Variants in ME3 observed in about 807,000 individuals in gnomAD.
ME3 encodes the protein malic enzyme 3, also known as NADP-dependent malic enzyme, mitochondrial.
In ME3, 48 loss-of-function variants were observed where a neutral mutation model predicts 68.9. The ratio of observed to expected loss-of-function variants is 0.70; its 90% CI spans 0.55 to 0.89. The LOEUF (loss-of-function observed/expected upper bound fraction) is 0.89, where lower values mean the gene tolerates loss of function less well. Among genes scored for constraint, ME3 ranks in the 40% least tolerant of loss-of-function variants. The pLI is 0.00. For missense variants in ME3, 675 were observed against 797.4 expected (o/e 0.85, Z 1.85); for synonymous variants, 320 against 318.8 (o/e 1.00, Z -0.04).
intron 4 of ME3, among the ~76,000 whole-genome samples, chr11:86,537,777 G>A (rs1565920511): frequency 1.3e-5 from 2 of 152,174 alleles, no homozygotes; most frequent in Admixed American, 6.5e-5. Flanking sequence ...GCTGCAGGGG[G>A]CACACAAGTA....
chr11:86,625,616 C>G (rs374808141), intron 2 of ME3, among the ~76,000 whole-genome samples: 23 of 152,290 alleles, frequency 1.5e-4, no homozygotes, highest in African/African-American at 5.3e-4. Context: ...TTATCCAGAG[C>G]CTTCTAAGTG....
At chr11:86,445,480 A>C (rs898613618) in intron 13 of ME3, among the ~76,000 whole-genome samples, 3 of 152,220 alleles carry the variant, frequency 2.0e-5, no homozygotes, top group Admixed American at 6.5e-5. Flanking sequence ...GGAAATGCAG[A>C]AGGATGTTAG....
chr11:86,616,794 A>T (rs946982854), intron 2 of ME3, among the ~76,000 whole-genome samples: 1 of 152,200 alleles, frequency 6.6e-6, no homozygotes, highest in Non-Finnish European at 1.5e-5. Context: ...TGGCAGCCAA[A>T]TGTAATGTGG....
chr11:86,589,908 TA>T (rs1268798544), intron 2 of ME3, among the ~76,000 whole-genome samples: 1 of 152,194 alleles, frequency 6.6e-6, no homozygotes. Flanking sequence ...CTGGTGTTCT[TA>T]AGTGTGTGCT....
chr11:86,597,801 AC>A (rs1959781247), intron 2 of ME3, among the ~76,000 whole-genome samples: 1 of 152,090 alleles, frequency 6.6e-6, no homozygotes, highest in South Asian at 2.1e-4. Context: ...TTGGTTTTAT[AC>A]ATTCTAGGGA....
chr11:86,449,832 C>T, intron 10 of ME3, 57 bp downstream of exon 10: 1 of 1,315,526 alleles, frequency 7.6e-7, no homozygotes, highest in Non-Finnish European at 1.1e-6. Flanking sequence ...TCTTCCAGTC[C>T]AGTTCCTGGG....
In ME3 at chr11:86,570,639, C is replaced by A. The variant is rs374702822; in HGVS notation, c.184-10816G>T. Among the ~76,000 whole-genome samples, 23 of 152,324 alleles carry A rather than the reference C, an allele frequency of 1.5e-4. No homozygotes were observed. The South Asian group carries it at 3.7e-3, about 25-fold the overall frequency. On this transcript the variant is annotated intron_variant, in intron 2 of 14. Transcript: ENST00000543262. ...CAACATTACAGATCCAGAAACACAT[C>A]ATAAATTCCTAAGAGGGGAGTGGAG...
Position 86,601,349 on chromosome 11 carries a change from G to C in ME3, c.184-41526C>G, listed in dbSNP as rs761705558. On this transcript the variant is annotated intron_variant, in intron 2 of 14. Transcript: ENST00000543262. ...CCTCTACGCAAATAAACTAGAAAAGGTAGAAGAAATGGATAAATTCCTGGA... is the reference window on the plus strand; with the variant it reads ...CCTCTACGCAAATAAACTAGAAAAGCTAGAAGAAATGGATAAATTCCTGGA... Among the ~76,000 whole-genome samples, 606 of 152,178 alleles carry C rather than the reference G, an allele frequency of 4.0e-3. 3 individuals are homozygous for C. The highest frequency in any genetic ancestry group is 0.016 in the South Asian group (78 of 4,824).
intron 2 of ME3, among the ~76,000 whole-genome samples, chr11:86,570,332 T>C (rs938627812): frequency 6.6e-6 from 1 of 152,196 alleles, no homozygotes; most frequent in Admixed American, 6.5e-5. Flanking sequence ...GCTGATGAGC[T>C]GTTAGGGGAC....
intron 2 of ME3, among the ~76,000 whole-genome samples, chr11:86,655,741 G>A (rs1945820482): frequency 1.3e-5 from 2 of 151,684 alleles, no homozygotes; most frequent in African/African-American, 4.8e-5. Context: ...AGACAAAATT[G>A]ACAAATGGAA....
intron 2 of ME3, among the ~76,000 whole-genome samples, chr11:86,634,692 T>C (rs370855009): frequency 0.11 from 5 of 44 alleles, no homozygotes; most frequent in African/African-American, 0.42. Context: ...TCTTTTGTGT[T>C]TTTTTTTGTT....
In ME3 at chr11:86,669,659, G is replaced by C. The variant is rs115067114; in HGVS notation, c.183+2103C>G. ...TCCCACAGGGTTCCTTCCACAACAC[G>C]TGGGGATTATGGGGATTATAATTCA... On this transcript the variant is annotated intron_variant, in intron 2 of 14. Transcript: ENST00000543262. 8.9e-3 allele frequency among the ~76,000 whole-genome samples: 1,355 copies of C among 152,274 alleles called. 22 individuals are homozygous for C. The highest frequency in any genetic ancestry group is 0.031 in the African/African-American group (1,273 of 41,546).
chr11:86,557,998 A>G (rs1240385128), intron 3 of ME3, among the ~76,000 whole-genome samples: 2 of 152,112 alleles, frequency 1.3e-5, no homozygotes, highest in African/African-American at 4.8e-5. Flanking sequence ...AAGCACCTGT[A>G]AAATGAGGGA....
chr11:86,669,992 C>T (rs1299390052), intron 2 of ME3, among the ~76,000 whole-genome samples: 5 of 152,116 alleles, frequency 3.3e-5, no homozygotes, highest in African/African-American at 4.8e-5. Flanking sequence ...TGACACTATC[C>T]ATATTTACTG....
chr11:86,660,880 A>G (rs1182901946), intron 2 of ME3, among the ~76,000 whole-genome samples: 1 of 150,550 alleles, frequency 6.6e-6, no homozygotes, highest in Non-Finnish European at 1.5e-5. Flanking sequence ...ATGAAATAAA[A>G]GATTTTTTGT....
rs924947496 is a variant in ME3 at position 86,641,045 on chromosome 11, G to A, written c.183+30717C>T. On this transcript the variant is annotated intron_variant, in intron 2 of 14. Coordinates refer to ENST00000543262, the Ensembl canonical transcript of ME3. ...CTGCTCTCAATTTCACTGGGGGGGG[G>A]GGTCAATGAAGGGCATATGTGAGTA... Among the ~76,000 whole-genome samples the A allele has an allele frequency of 1.5e-3, 221 of 146,972 alleles. 2 individuals carry two copies. Among genetic ancestry groups the A allele is most frequent in the Middle Eastern group, 7.0e-3 (2 of 286 alleles).
intron 2 of ME3, among the ~76,000 whole-genome samples, chr11:86,623,958 G>A (rs1943504488): frequency 6.6e-6 from 1 of 152,154 alleles, no homozygotes; most frequent in South Asian, 2.1e-4. Flanking sequence ...CAGCAGGCTT[G>A]ACGTACAACG....
In ME3 at chr11:86,612,471, C is replaced by T. The variant is rs182099001; in HGVS notation, c.184-52648G>A. On this transcript the variant is annotated intron_variant, in intron 2 of 14. Coordinates refer to ENST00000543262, the Ensembl canonical transcript of ME3. ...TCAAATGGTATTTCTGGTTCTAGAT[C>T]CTTGAGGAACCGCCATACTGTCTTC... Among the ~76,000 whole-genome samples, 48 of 152,268 alleles carry T rather than the reference C, an allele frequency of 3.2e-4. No individual in the cohort carries two copies. The East Asian group carries it at 8.1e-3, about 26-fold the overall frequency.
In ME3 at chr11:86,556,539, C is replaced by T. The variant is rs1401468934; in HGVS notation, c.467+14G>A. On this transcript the variant is annotated intron_variant, in intron 4 of 14. Transcript: ENST00000543262. ...GGCAGCCCCTCCCAGAGCCCTCACT[C>T]CACGGGGGCTCACCGGGGCCTGCGG... The T allele has an allele frequency of 6.2e-7, 1 of 1,612,208 alleles. No homozygotes were observed. Among genetic ancestry groups the T allele is most frequent in the Non-Finnish European group, 8.5e-7 (1 of 1,179,006 alleles).
Sources: allele counts gnomAD v4.1 joint callset (sites outside exome capture counted in the v4.1 genomes callset), GRCh38; gene constraint gnomAD v4.1.1; transcripts MANE v1.5; gene names NCBI Gene and HGNC (gene_info 2026-07-23, HGNC 2026-07-21).